Variants in ZNF518A observed in about 807,000 individuals in gnomAD.
ZNF518A encodes zinc finger protein 518A, also known as zinc finger protein 518.
A neutral mutation model predicts 102.7 loss-of-function variants in ZNF518A; 47 were observed. The observed-to-expected ratio is 0.46, with a 90% CI of 0.36 to 0.58. The LOEUF is 0.58. Ranked by LOEUF, ZNF518A falls within the 20% of genes least tolerant of loss-of-function variation. The pLI is 0.00. For synonymous variants in ZNF518A, 652 were observed against 594.6 expected (o/e 1.10, Z -1.40); for missense variants, 1,793 against 1,699.8 (o/e 1.05, Z -0.96).
chr10:96,183,722 C>T (rs1200001524), intron 1 of ZNF518A, among the ~76,000 whole-genome samples: 1 of 152,138 alleles, frequency 6.6e-6, no homozygotes, highest in Non-Finnish European at 1.5e-5. Flanking sequence ...CTGAGGAGTG[C>T]TTTACTTCCA....
At chr10:96,154,427 T>C (rs371611243) in intron 3 of ZNF518A, among the ~76,000 whole-genome samples, 10 of 152,082 alleles carry the variant, frequency 6.6e-5, no homozygotes, top group East Asian at 3.9e-4. Context: ...CCTCCCTCCT[T>C]CTTTTCTTTT....
intron 1 of ZNF518A, chr10:96,201,154 C>T: frequency 9.1e-7 from 1 of 1,094,580 alleles, no homozygotes; most frequent in East Asian, 2.4e-5. Context: ...CTGCCAGGGA[C>T]ACATCCACCA....
rs782510147 is a variant in ZNF518A, at chr10:96,204,095, G to A, written n.266G>A. The A allele has an allele frequency of 1.2e-5, 19 of 1,613,618 alleles. No individual in the cohort carries two copies. Among genetic ancestry groups the A allele is most frequent in the Non-Finnish European group, 1.6e-5 (19 of 1,179,732 alleles). On this transcript the variant is annotated non_coding_transcript_exon_variant, in exon 3 of 3. Coordinates refer to the ZNF518A transcript ENST00000442635. ...GGGTTTTTGGTGGATTTGTCTGCAA[G>A]AAAGAATTTCAGATAATTAAAGGAC...
intron 1 of ZNF518A, chr10:96,191,913 C>T: frequency 6.2e-7 from 1 of 1,607,840 alleles, no homozygotes; most frequent in Non-Finnish European, 8.5e-7. Flanking sequence ...GACTTTTTCT[C>T]AAAAGGAGAA....
In ZNF518A at chr10:96,159,087, T is replaced by G; in HGVS notation, c.2765T>G (p.Leu922Ter). The change falls in exon 6 of 6, where the codon TTA becomes TGA. Residue 922 changes from leucine (L) to a stop codon, truncating the protein, a stop_gained. Coordinates refer to ENST00000316045, the MANE Select transcript of ZNF518A (RefSeq NM_001330736.2). LOFTEE classifies it high-confidence loss of function. ...LGSFYMQSPL[L>*]NSEQKKTIIV... ...TCTTTTTATATGCAGAGTCCACTTT[T>G]AAATTCAGAACAAAAAAAAACTATA... 6.2e-7 allele frequency: 1 copy of G among 1,612,234 alleles called. No homozygotes were observed. Among genetic ancestry groups the G allele is most frequent in the Non-Finnish European group, 8.5e-7 (1 of 1,179,392 alleles).
downstream of ZNF518A, among the ~76,000 whole-genome samples, chr10:96,166,220 A>C (rs2083139436): frequency 6.6e-6 from 1 of 152,150 alleles, no homozygotes; most frequent in Non-Finnish European, 1.5e-5. Context: ...ATTGTGGGCA[A>C]ATCTTCCCCA....
At chr10:96,204,766 T>C, downstream of ZNF518A, 7 of 650,626 alleles carry the variant, frequency 1.1e-5, no homozygotes, top group South Asian at 1.1e-4. Flanking sequence ...ATCTGTGCAC[T>C]TGCCAGTCTG....
At chr10:96,187,693 G>A (rs1554892740) in intron 1 of ZNF518A, among the ~76,000 whole-genome samples, 2 of 152,170 alleles carry the variant, frequency 1.3e-5, no homozygotes, top group Non-Finnish European at 2.9e-5. Flanking sequence ...ACAAGAACTG[G>A]GGTGTGGTTT....
At chr10:96,178,149 T>C (rs2083217066) in intron 1 of ZNF518A, among the ~76,000 whole-genome samples, 1 of 152,108 alleles carries the variant, frequency 6.6e-6, no homozygotes, top group Non-Finnish European at 1.5e-5. Flanking sequence ...TTACAGAACA[T>C]TCCATCTGAA....
intron 1 of ZNF518A, among the ~76,000 whole-genome samples, chr10:96,191,223 T>C (rs1370161661): frequency 6.9e-6 from 1 of 144,912 alleles, no homozygotes; most frequent in African/African-American, 2.6e-5. Context: ...GAACTGTGAG[T>C]CCATTAAACC....
intron 1 of ZNF518A, among the ~76,000 whole-genome samples, chr10:96,201,990 G>C (rs1215552030): frequency 6.6e-6 from 1 of 152,158 alleles, no homozygotes; most frequent in African/African-American, 2.4e-5. Flanking sequence ...GGTGGAGAGG[G>C]AGGAGGCACT....
chr10:96,144,404 A>C (rs1487971982), intron 3 of ZNF518A, among the ~76,000 whole-genome samples: 1 of 152,066 alleles, frequency 6.6e-6, no homozygotes, highest in Non-Finnish European at 1.5e-5. Flanking sequence ...TAATTTTATA[A>C]TTTTCCTATT....
intron 1 of ZNF518A, among the ~76,000 whole-genome samples, chr10:96,184,520 T>G (rs10882740): frequency 0.31 from 46,604 of 152,086 alleles, 8,229 homozygotes; most frequent in East Asian, 0.66. Flanking sequence ...CTCTCAGCAT[T>G]TGCTTGTCTG....
At chr10:96,173,550 G>A (rs763324136) in intron 1 of ZNF518A, among the ~76,000 whole-genome samples, 7 of 152,100 alleles carry the variant, frequency 4.6e-5, no homozygotes, top group Non-Finnish European at 7.4e-5. Context: ...TTTTATAACA[G>A]TAAAAGTGTC....
downstream of ZNF518A, among the ~76,000 whole-genome samples, chr10:96,165,186 C>T (rs1554889900): frequency 6.6e-6 from 1 of 152,198 alleles, no homozygotes; most frequent in Non-Finnish European, 1.5e-5. Context: ...TGCAGTGGCA[C>T]AGTCTTGGCT....
chr10:96,178,485 C>T (rs2083218778), intron 1 of ZNF518A, among the ~76,000 whole-genome samples: 3 of 152,110 alleles, frequency 2.0e-5, no homozygotes, highest in African/African-American at 7.2e-5. Flanking sequence ...ACTTCAGATA[C>T]TTGTATTAGA....
In ZNF518A at chr10:96,159,355, A is replaced by C. The variant is rs782507190; in HGVS notation, c.3033A>C (p.Thr1011=). Residue 1011 remains threonine, a synonymous_variant, in exon 6 of 6, where the codon ACA becomes ACC. Transcript: ENST00000316045. ...RGTVTKEPCK[T]PILKVEPNNN... is the part of the protein sequence containing the mutation. Reference sequence around the variant, plus strand: ...CTGTGACTAAGGAGCCTTGCAAAACACCTATTTTGAAGGTAGAACCAAACA... The same window carrying C: ...CTGTGACTAAGGAGCCTTGCAAAACCCCTATTTTGAAGGTAGAACCAAACA... The C allele has an allele frequency of 1.2e-6, 2 of 1,613,778 alleles. No homozygotes were observed. The highest frequency in any genetic ancestry group is 8.5e-7 in the Non-Finnish European group (1 of 1,179,762).
chr10:96,160,896 G>A lies in ZNF518A; in HGVS notation c.*122G>A. 2 of 1,059,882 alleles carry A rather than the reference G, an allele frequency of 1.9e-6. No individual in the cohort carries two copies. Among genetic ancestry groups the A allele is most frequent in the African/African-American group, 1.6e-5 (1 of 60,616 alleles). 65.7% of individuals were successfully genotyped at this position (1,059,882 alleles called of 1,614,324 possible). A position where few individuals can be genotyped will look rare whatever the true frequency, so the allele number is the denominator to read the frequency against. On this transcript the variant is annotated 3_prime_UTR_variant, in exon 6 of 6. Coordinates refer to ENST00000316045, the MANE Select transcript of ZNF518A (RefSeq NM_001330736.2). ...GTACCTGAAATCGAACATTTTAAAA[G>A]TTGATTGTATTTCTGTGGAAGAGTA...
At position 96,156,750 on chromosome 10, in the gene ZNF518A, A is replaced by T. The variant is rs1262083401; in HGVS notation, c.428A>T (p.His143Leu). 2 of 1,613,830 alleles carry T rather than the reference A, an allele frequency of 1.2e-6. No homozygotes were observed. Among genetic ancestry groups the T allele is most frequent in the Non-Finnish European group, 1.7e-6 (2 of 1,179,828 alleles). ...TTGCAGAAACACTTTCAAATGTGGC[A>T]CCATGGCGAATTACCTTCATATCCT... ...NDLQKHFQMW[H>L]HGELPSYPCE... Residue 143 changes from histidine (H) to leucine (L), a missense_variant, in exon 6 of 6, where the codon CAC (histidine) becomes CTC (leucine). Around this residue, in one of 3 missense-constraint regions of ZNF518A, gnomAD observed 1,741 missense variants for 1,622.6 expected, o/e 1.07. Coordinates refer to ENST00000316045, the MANE Select transcript of ZNF518A (RefSeq NM_001330736.2).
Sources: gnomAD v4.1 joint callset for allele counts (sites outside exome capture counted in the v4.1 genomes callset) on GRCh38, gnomAD v4.1.1 for gene constraint, gnomAD v4.1.1 regional missense constraint, MANE v1.5 for transcripts, NCBI Gene and HGNC (gene_info 2026-07-23, HGNC 2026-07-21) for gene names.